Variants in EHBP1 observed in about 807,000 individuals in gnomAD.
EHBP1 encodes EH domain binding protein 1, also known as EH domain-binding protein 1.
In EHBP1, 55 loss-of-function variants were observed where a neutral mutation model predicts 144.0. The ratio of observed to expected loss-of-function variants is 0.38; its 90% CI spans 0.31 to 0.48. The LOEUF is 0.48. EHBP1 is among the 20% of genes least tolerant of loss of function. EHBP1 has a pLI of 0.98. For missense variants in EHBP1, 1,200 were observed against 1,364.2 expected (o/e 0.88, Z 1.90); for synonymous variants, 469 against 472.7 (o/e 0.99, Z 0.10).
intron 2 of EHBP1, among the ~76,000 whole-genome samples, chr2:62,717,716 T>TA (rs988562337): frequency 4.0e-5 from 6 of 151,864 alleles, no homozygotes; most frequent in East Asian, 1.9e-4. Context: ...GTTTTTTTTT[T>TA]AAAAAAAACC....
chr2:62,852,211 A>G (rs1308295806), intron 7 of EHBP1, among the ~76,000 whole-genome samples: 1 of 152,146 alleles, frequency 6.6e-6, no homozygotes, highest in African/African-American at 2.4e-5. Context: ...CGTCTTAGCT[A>G]TATAAAGAAA....
chr2:62,702,333 G>A (rs1222116658), upstream of EHBP1, among the ~76,000 whole-genome samples: 2 of 152,180 alleles, frequency 1.3e-5, no homozygotes, highest in South Asian at 2.1e-4. Flanking sequence ...AAATGGACAG[G>A]ATAATTAATG....
At chr2:62,676,281 T>A (rs1406935274) in intron 1 of EHBP1, among the ~76,000 whole-genome samples, 2 of 152,260 alleles carry the variant, frequency 1.3e-5, no homozygotes, top group Admixed American at 6.5e-5. Context: ...TAAACCTTAA[T>A]GACTAGTAAG....
chr2:62,793,309 T>A (rs1404003029), intron 5 of EHBP1, among the ~76,000 whole-genome samples: 1 of 152,128 alleles, frequency 6.6e-6, no homozygotes. Flanking sequence ...CAAAACTGCT[T>A]TGCAGGTGTG....
At chr2:62,758,868 CTT>C (rs1396353132) in intron 3 of EHBP1, among the ~76,000 whole-genome samples, 1 of 152,080 alleles carries the variant, frequency 6.6e-6, no homozygotes, top group Non-Finnish European at 1.5e-5. Flanking sequence ...TCTAAGATGA[CTT>C]TATATATGAC....
chr2:62,989,957 T>C (rs1039440516), intron 15 of EHBP1, among the ~76,000 whole-genome samples: 2 of 152,178 alleles, frequency 1.3e-5, no homozygotes, highest in African/African-American at 4.8e-5. Context: ...AAGAGTCTTA[T>C]AATTAGAAAA....
intron 19 of EHBP1, among the ~76,000 whole-genome samples, chr2:63,019,526 G>C (rs1240173414): frequency 6.6e-6 from 1 of 152,008 alleles, no homozygotes; most frequent in African/African-American, 2.4e-5. Context: ...GGCCAATATG[G>C]TGAAACCCCG....
chr2:62,999,832 T>C (rs1326588517), intron 19 of EHBP1, among the ~76,000 whole-genome samples: 3 of 152,198 alleles, frequency 2.0e-5, no homozygotes, highest in South Asian at 2.1e-4. Context: ...ATACCGAGGA[T>C]TGGAATTTCT....
At chr2:62,826,720 A>G (rs1467669007) in intron 6 of EHBP1, 1 of 152,458 alleles carries the variant, frequency 6.6e-6, no homozygotes, top group African/African-American at 2.4e-5. Flanking sequence ...TCATGTAGGA[A>G]GGTACAGTTA....
chr2:63,045,292 C>T lies in EHBP1; in HGVS notation c.3392+112C>T. The T allele has an allele frequency of 7.4e-7, 1 of 1,352,480 alleles. No homozygotes were observed. The highest frequency in any genetic ancestry group is 2.5e-5 in the East Asian group (1 of 40,800). 83.8% of individuals were successfully genotyped at this position (1,352,480 alleles called of 1,614,324 possible). A position where few individuals can be genotyped will look rare whatever the true frequency, so the allele number is the denominator to read the frequency against. ...GAGGGCCGGGGCAGCCTCCCACTGG[C>T]CTGGTGCTCCCCATTCCCGCTGGGG... On this transcript the variant is annotated intron_variant, in intron 22 of 22. Transcript: ENST00000431489. This position sits in a 1 kb window ranked among gnomAD's most constrained non-coding sequence, Gnocchi z 5.7.
At chr2:62,992,860 A>G (rs1046445135) in intron 16 of EHBP1, among the ~76,000 whole-genome samples, 4 of 152,294 alleles carry the variant, frequency 2.6e-5, no homozygotes, top group Admixed American at 1.3e-4. Flanking sequence ...ATTTACTTTC[A>G]AAACACTTAA....
chr2:62,959,981 C>G (rs111852577), intron 14 of EHBP1, among the ~76,000 whole-genome samples: 4 of 152,138 alleles, frequency 2.6e-5, no homozygotes, highest in African/African-American at 9.6e-5. Context: ...CAGTTAGCTA[C>G]TTGTGAGACT....
At chr2:62,919,919 A>G (rs1376508093) in intron 10 of EHBP1, among the ~76,000 whole-genome samples, 1 of 152,218 alleles carries the variant, frequency 6.6e-6, no homozygotes, top group Non-Finnish European at 1.5e-5. Flanking sequence ...TTGAGCAGGC[A>G]GAAGAGAGAA....
intron 2 of EHBP1, among the ~76,000 whole-genome samples, chr2:62,744,186 G>A (rs891357969): frequency 5.9e-5 from 9 of 152,052 alleles, no homozygotes; most frequent in Non-Finnish European, 1.5e-5. Flanking sequence ...ATAAAAATGT[G>A]TATCATATAT....
chr2:62,731,549 G>A (rs559937512), intron 2 of EHBP1, among the ~76,000 whole-genome samples: 30 of 152,024 alleles, frequency 2.0e-4, no homozygotes, highest in Non-Finnish European at 3.1e-4. Context: ...TTTGGTAGAC[G>A]TTCTTTATCA....
At chr2:62,964,673 A>G (rs1471765950) in intron 14 of EHBP1, among the ~76,000 whole-genome samples, 1 of 152,190 alleles carries the variant, frequency 6.6e-6, no homozygotes, top group African/African-American at 2.4e-5. Context: ...GTGAAACAGT[A>G]TTAATTGTTT....
intron 14 of EHBP1, among the ~76,000 whole-genome samples, chr2:62,967,285 C>T (rs1382669964): frequency 3.3e-5 from 5 of 152,118 alleles, no homozygotes; most frequent in Admixed American, 6.6e-5. Context: ...ACCTCTACAG[C>T]GGCTCAGACC....
At chr2:62,842,326 A>T (rs2047959007) in intron 7 of EHBP1, among the ~76,000 whole-genome samples, 1 of 152,078 alleles carries the variant, frequency 6.6e-6, no homozygotes. Flanking sequence ...ACCTCAGGAG[A>T]TCCGCCCGCT....
At position 63,019,916 on chromosome 2, in the gene EHBP1, C is replaced by T. The variant is rs535437305; in HGVS notation, c.3104-17619C>T. ...GGAAAAAAAAATGCTGGGCTGGGTGCGGTGGCTCATGCCTGTAATTCTAGC... is the reference window on the plus strand; with the variant it reads ...GGAAAAAAAAATGCTGGGCTGGGTGTGGTGGCTCATGCCTGTAATTCTAGC... On this transcript the variant is annotated intron_variant, in intron 19 of 22. Coordinates refer to ENST00000431489, the MANE Select transcript of EHBP1 (RefSeq NM_001142616.3). 8.1e-5 allele frequency among the ~76,000 whole-genome samples: 12 copies of T among 148,368 alleles called. No individual in the cohort carries two copies. The South Asian group carries it at 2.6e-3, about 32-fold the overall frequency.
Sources: gnomAD v4.1 joint callset for allele counts (sites outside exome capture counted in the v4.1 genomes callset) on GRCh38, gnomAD v4.1.1 for gene constraint, Gnocchi (gnomAD v3.1) non-coding constraint, MANE v1.5 for transcripts, NCBI Gene and HGNC (gene_info 2026-07-23, HGNC 2026-07-21) for gene names.